PCDH15: variants seen among roughly 807,000 people sequenced by gnomAD.
PCDH15 encodes the protein protocadherin-15.
In PCDH15, 129 loss-of-function variants were observed where a neutral mutation model predicts 178.5. The observed-to-expected ratio is 0.72, with a 90% CI of 0.63 to 0.84. PCDH15 has a LOEUF of 0.84. Among genes scored for constraint, PCDH15 ranks in the 40% least tolerant of loss-of-function variants. The pLI, the probability that PCDH15 is intolerant of heterozygous loss-of-function variation, is 0.00. For missense variants in PCDH15, 2,230 were observed against 2,099.9 expected (o/e 1.06, Z -1.21); for synonymous variants, 800 against 732.0 (o/e 1.09, Z -1.50).
intron 1 of PCDH15, among the ~76,000 whole-genome samples, chr10:54,786,161 G>A (rs1232567447): frequency 6.6e-6 from 1 of 151,980 alleles, no homozygotes; most frequent in Non-Finnish European, 1.5e-5. Context: ...TAGAATATAT[G>A]ACACAAAACC....
intron 27 of PCDH15, among the ~76,000 whole-genome samples, chr10:53,858,846 T>C (rs1051551984): frequency 6.6e-6 from 1 of 152,176 alleles, no homozygotes; most frequent in Non-Finnish European, 1.5e-5. Flanking sequence ...TCACTTTGTC[T>C]TTTCTTATTG....
At chr10:54,932,340 A>C (rs1190646348) in intron 2 of PCDH15, among the ~76,000 whole-genome samples, 1 of 152,210 alleles carries the variant, frequency 6.6e-6, no homozygotes, top group Non-Finnish European at 1.5e-5. Flanking sequence ...TTTGTGGCTT[A>C]ATTTTTATAT....
intron 2 of PCDH15, among the ~76,000 whole-genome samples, chr10:54,636,461 A>T (rs1254223200): frequency 1.3e-5 from 2 of 149,890 alleles, no homozygotes; most frequent in Non-Finnish European, 3.0e-5. Context: ...GTAAAACTAA[A>T]TTGTATTTAA....
intron 8 of PCDH15, among the ~76,000 whole-genome samples, chr10:54,275,962 G>T (rs1215252822): frequency 1.3e-5 from 2 of 151,690 alleles, no homozygotes; most frequent in East Asian, 3.8e-4. Context: ...AAAAAGTAAA[G>T]TTGACTCATT....
intron 21 of PCDH15, chr10:53,995,444 G>A (rs897009162): frequency 3.6e-6 from 3 of 827,106 alleles, no homozygotes; most frequent in Non-Finnish European, 3.7e-6. Context: ...AAAACAAAAA[G>A]CATATTCTTT....
intron 2 of PCDH15, chr10:54,599,570 G>A (rs1164794149): frequency 1.3e-5 from 3 of 238,538 alleles, no homozygotes; most frequent in South Asian, 1.1e-4. Context: ...GACAACATAG[G>A]CAATACTATT....
chr10:54,344,904 C>CCA (rs58908008), intron 6 of PCDH15, among the ~76,000 whole-genome samples: 13,564 of 77,734 alleles, frequency 0.17, 788 homozygotes, highest in African/African-American at 0.21. Context: ...AGAAACAAAG[C>CCA]AAAAAAAAAA....
intron 2 of PCDH15, among the ~76,000 whole-genome samples, chr10:55,065,931 A>G (rs1210691616): frequency 1.3e-5 from 2 of 152,010 alleles, no homozygotes; most frequent in Non-Finnish European, 2.9e-5. Context: ...TTCAGTTTTT[A>G]TTACTGTTAT....
At chr10:54,585,627 T>TC in intron 2 of PCDH15, 1 of 169,530 alleles carries the variant, frequency 5.9e-6, no homozygotes, top group Admixed American at 5.9e-5. Flanking sequence ...TTTTTTTTTT[T>TC]TAATTTAAGA....
intron 1 of PCDH15, among the ~76,000 whole-genome samples, chr10:54,750,865 A>G (rs1946130970): frequency 1.3e-5 from 2 of 152,112 alleles, no homozygotes; most frequent in Non-Finnish European, 2.9e-5. Context: ...TCCAAACACA[A>G]ATATAATTAA....
At chr10:54,506,472 A>G (rs2081177578) in intron 3 of PCDH15, among the ~76,000 whole-genome samples, 1 of 152,048 alleles carries the variant, frequency 6.6e-6, no homozygotes, top group South Asian at 2.1e-4. Flanking sequence ...AAAATGGAAC[A>G]AAGTATTCTA....
At position 55,364,845 on chromosome 10, in the gene PCDH15, C is replaced by T. The variant is rs116672654; in HGVS notation, c.-155-198194G>A. 5.6e-3 allele frequency among the ~76,000 whole-genome samples: 857 copies of T among 152,104 alleles called. 10 individuals are homozygous for T. Among genetic ancestry groups the T allele is most frequent in the African/African-American group, 0.02 (817 of 41,526 alleles). On this transcript the variant is annotated intron_variant, in intron 2 of 5. Coordinates refer to the PCDH15 transcript ENST00000613346. ...TCACACATTCTGCCCTCTTTTGTCT[C>T]CCTTCTGCTATTGAGCCCTGTATTT...
At chr10:54,347,890 C>T (rs538211770) in intron 5 of PCDH15, among the ~76,000 whole-genome samples, 14 of 151,392 alleles carry the variant, frequency 9.2e-5, no homozygotes, top group African/African-American at 3.2e-4. Context: ...ACTCTGTCAC[C>T]CAGGCTGGAG....
intron 2 of PCDH15, among the ~76,000 whole-genome samples, chr10:55,053,726 A>G (rs1841221966): frequency 6.6e-6 from 1 of 152,190 alleles, no homozygotes; most frequent in African/African-American, 2.4e-5. Context: ...ATAATGGTAC[A>G]AGCACCTCAC....
intron 1 of PCDH15, among the ~76,000 whole-genome samples, chr10:55,308,343 T>C (rs1450122664): frequency 6.6e-6 from 1 of 152,116 alleles, no homozygotes; most frequent in Non-Finnish European, 1.5e-5. Flanking sequence ...GGAGTAAGCA[T>C]TAAATTCTGA....
intron 2 of PCDH15, among the ~76,000 whole-genome samples, chr10:55,503,264 G>A (rs961157566): frequency 2.0e-5 from 3 of 150,094 alleles, no homozygotes; most frequent in Admixed American, 1.3e-4. Context: ...TTCATAAATT[G>A]TAATAATCTT....
At chr10:54,842,794 C>G (rs1377339450) in intron 3 of PCDH15, among the ~76,000 whole-genome samples, 1 of 151,856 alleles carries the variant, frequency 6.6e-6, no homozygotes, top group Admixed American at 6.6e-5. Flanking sequence ...ACTGAAGCAT[C>G]TTTTGGATAA....
At chr10:53,980,359 T>C (rs2090534890) in intron 21 of PCDH15, among the ~76,000 whole-genome samples, 1 of 152,210 alleles carries the variant, frequency 6.6e-6, no homozygotes, top group Non-Finnish European at 1.5e-5. Flanking sequence ...AAGAACGTTA[T>C]TAAAATATGT....
At chr10:55,142,151 T>C (rs1450438275) in intron 2 of PCDH15, among the ~76,000 whole-genome samples, 1 of 152,148 alleles carries the variant, frequency 6.6e-6, no homozygotes, top group Non-Finnish European at 1.5e-5. Context: ...TTATGATCTG[T>C]GTCTCTATAT....
Sources: allele counts gnomAD v4.1 joint callset (sites outside exome capture counted in the v4.1 genomes callset), GRCh38; gene constraint gnomAD v4.1.1; transcripts MANE v1.5; gene names NCBI Gene and HGNC (gene_info 2026-07-23, HGNC 2026-07-21).